MICAL3: variants seen among roughly 807,000 people sequenced by gnomAD.
MICAL3 encodes the protein microtubule associated monooxygenase, calponin and LIM domain containing 3, also known as [F-actin]-monooxygenase MICAL3.
MICAL3 carries 62 observed loss-of-function variants against 207.4 expected under a neutral mutation model. That is an observed-to-expected ratio of 0.30 (90% confidence interval 0.24 to 0.37). The LOEUF (loss-of-function observed/expected upper bound fraction) is 0.37. Ranked by LOEUF, MICAL3 falls within the 10% of genes least tolerant of loss-of-function variation. The pLI is 1.00. For missense variants in MICAL3, 2,368 were observed against 2,635.6 expected, an observed-to-expected ratio of 0.90 and a Z score of 2.22; for synonymous variants, 1,077 against 1,069.3, an observed-to-expected ratio of 1.01 and a Z score of -0.14.
At chr22:17,952,620 A>T (rs1051585085) in intron 1 of MICAL3, among the ~76,000 whole-genome samples, 1 of 152,250 alleles carries the variant, frequency 6.6e-6, no homozygotes, top group African/African-American at 2.4e-5. Flanking sequence ...GCTATAAAAT[A>T]CCAAGCAGCT....
intron 17 of MICAL3, among the ~76,000 whole-genome samples, chr22:17,870,765 A>C (rs1927644332): frequency 1.3e-5 from 2 of 152,030 alleles, no homozygotes; most frequent in African/African-American, 4.8e-5. Flanking sequence ...ACAGCGTCCT[A>C]ATTCTTTCAT....
intron 19 of MICAL3, among the ~76,000 whole-genome samples, chr22:17,849,371 A>G (rs1020954559): frequency 1.3e-5 from 2 of 152,120 alleles, no homozygotes; most frequent in African/African-American, 2.4e-5. Flanking sequence ...GTCTCACTCT[A>G]TTGTCCCAGC....
At chr22:17,862,118 TACAC>T (rs1926577819) in intron 19 of MICAL3, 1 of 985,172 alleles carries the variant, frequency 1.0e-6, no homozygotes, top group Non-Finnish European at 1.2e-6. Flanking sequence ...ATGGCTGAGT[TACAC>T]ACAAGAGAAT....
Position 17,886,014 on chromosome 22 carries a change from G to A in MICAL3, c.2105C>T (p.Thr702Ile). 1 of 1,614,028 alleles carries A rather than the reference G, an allele frequency of 6.2e-7. No individual in the cohort carries two copies. The highest frequency in any genetic ancestry group is 8.5e-7 in the Non-Finnish European group (1 of 1,179,910). ...APRGHRGERP[T>I]LVSTLTDRRM... ...CCTGTCTGTCAGAGTGCTCACCAGG[G>A]TCGGTCTTTCTCCTCTGTGGCCCCG... The change falls in exon 16 of 32, where the codon ACC becomes ATC. Residue 702 changes from threonine to isoleucine, a missense_variant. Thr to Ile is a moderately conservative substitution (Grantham distance 89). Around this residue, in one of 4 missense-constraint regions of MICAL3, gnomAD observed 1,770 missense variants for 1,863.2 expected, o/e 0.95. Coordinates refer to ENST00000441493, the MANE Select transcript of MICAL3 (RefSeq NM_015241.3).
At chr22:17,961,842 T>A (rs926513612) in intron 1 of MICAL3, among the ~76,000 whole-genome samples, 2 of 151,652 alleles carry the variant, frequency 1.3e-5, no homozygotes, top group Non-Finnish European at 2.9e-5. Flanking sequence ...ACGGCCTGCC[T>A]GCCTCCAGTT....
At chr22:17,998,847 G>A (rs112833572) in intron 1 of MICAL3, among the ~76,000 whole-genome samples, 6,896 of 152,076 alleles carry the variant, frequency 0.045, 501 homozygotes, top group African/African-American at 0.16. Flanking sequence ...CCACCGCGCC[G>A]GGCCCAGAGC....
intron 1 of MICAL3, among the ~76,000 whole-genome samples, chr22:17,920,810 A>G (rs1047479568): frequency 6.6e-6 from 1 of 151,848 alleles, no homozygotes; most frequent in Non-Finnish European, 1.5e-5. Context: ...CCACTCCTCA[A>G]CCCAATCTGC....
chr22:17,825,241 A>G (rs1922047085), intron 22 of MICAL3, among the ~76,000 whole-genome samples: 1 of 152,204 alleles, frequency 6.6e-6, no homozygotes, highest in Non-Finnish European at 1.5e-5. Flanking sequence ...GTACCTTGAA[A>G]GGAAAAATCG....
At chr22:18,007,922 CAAAA>C (rs60544257) in intron 1 of MICAL3, among the ~76,000 whole-genome samples, 5 of 37,752 alleles carry the variant, frequency 1.3e-4, no homozygotes, top group African/African-American at 3.3e-4. Flanking sequence ...GACTCCATCT[CAAAA>C]AAAAAAAAAA....
intron 1 of MICAL3, among the ~76,000 whole-genome samples, chr22:17,979,829 T>C (rs1047939842): frequency 1.3e-5 from 2 of 151,820 alleles, no homozygotes; most frequent in African/African-American, 2.4e-5. Context: ...TGTTGTTGTT[T>C]TTGGTTTTTT....
chr22:17,893,627 A>C (rs1470524908), intron 11 of MICAL3, among the ~76,000 whole-genome samples, 181 bp downstream of exon 11: 2 of 152,168 alleles, frequency 1.3e-5, no homozygotes, highest in African/African-American at 2.4e-5. Flanking sequence ...CATGACCATC[A>C]AAAATGTCCC....
intron 1 of MICAL3, among the ~76,000 whole-genome samples, chr22:18,014,011 G>A (rs1923903606): frequency 6.6e-6 from 1 of 151,808 alleles, no homozygotes; most frequent in South Asian, 2.1e-4. Flanking sequence ...TGCCCAGGCT[G>A]GTATCAAACT....
At chr22:17,999,981 G>A (rs939235330) in intron 1 of MICAL3, among the ~76,000 whole-genome samples, 1 of 152,228 alleles carries the variant, frequency 6.6e-6, no homozygotes, top group Admixed American at 6.5e-5. Flanking sequence ...TCCTCTGAGA[G>A]GGCTGCAGAG....
In MICAL3 at chr22:17,817,614, C is replaced by G; in HGVS notation, c.5047G>C (p.Asp1683His). 6 of 1,613,326 alleles carry G rather than the reference C, an allele frequency of 3.7e-6. No individual in the cohort carries two copies. In the South Asian group the frequency reaches 5.5e-5, roughly 15 times the overall value. Residue 1683 changes from aspartate to histidine, a missense_variant, in exon 26 of 32, where the codon GAT becomes CAT. This residue lies in a region of MICAL3 where 1,770 missense variants were observed against 1,863.2 expected (regional missense o/e 0.95). Transcript: ENST00000441493. ...LSPPSDSGGP[D>H]GSFTSSEGSS... ...CCCTCGGATGAAGTGAAAGAGCCAT[C>G]TGGGCCCCCTGAGTCCGACGGCGGG... is the stretch of plus-strand genomic sequence containing the variant.
At chr22:17,846,658 A>AC (rs1924663933) in intron 19 of MICAL3, among the ~76,000 whole-genome samples, 1 of 151,664 alleles carries the variant, frequency 6.6e-6, no homozygotes, top group African/African-American at 2.4e-5. Flanking sequence ...GCCGAAGTGC[A>AC]CCCCGCCTGT....
At chr22:17,871,553 T>C (rs1927725211) in intron 17 of MICAL3, among the ~76,000 whole-genome samples, 1 of 152,214 alleles carries the variant, frequency 6.6e-6, no homozygotes, top group African/African-American at 2.4e-5. Flanking sequence ...TTATCTCAAG[T>C]TCCCACCCCG....
chr22:17,819,498 G>C (rs1207302953), intron 25 of MICAL3, among the ~76,000 whole-genome samples: 1 of 152,168 alleles, frequency 6.6e-6, no homozygotes, highest in Non-Finnish European at 1.5e-5. Context: ...TACGTACAGA[G>C]GGGCCAGGAC....
At chr22:18,008,331 C>T (rs1923532799) in intron 1 of MICAL3, among the ~76,000 whole-genome samples, 1 of 152,226 alleles carries the variant, frequency 6.6e-6, no homozygotes, top group Non-Finnish European at 1.5e-5. Flanking sequence ...TTCAGTTTAT[C>T]ATGAACCCCA....
At chr22:17,919,298 CA>C (rs935104275) in intron 1 of MICAL3, among the ~76,000 whole-genome samples, 1 of 152,188 alleles carries the variant, frequency 6.6e-6, no homozygotes, top group African/African-American at 2.4e-5. Flanking sequence ...GGGCTTCAAG[CA>C]ATCCTCTTGC....
Sources: allele counts gnomAD v4.1 joint callset (sites outside exome capture counted in the v4.1 genomes callset), GRCh38; gene constraint gnomAD v4.1.1; regional missense constraint gnomAD v4.1.1; transcripts MANE v1.5; gene names NCBI Gene and HGNC (gene_info 2026-07-23, HGNC 2026-07-21).